The following ICE1 variants were observed in gnomAD, a reference collection of about 807,000 sequenced individuals.
ICE1 encodes the protein little elongation complex subunit 1.
In ICE1, 64 loss-of-function variants were observed where a neutral mutation model predicts 192.7. The observed-to-expected ratio is 0.33, with a 90% confidence interval of 0.27 to 0.41. The LOEUF (loss-of-function observed/expected upper bound fraction) is 0.41, where lower values mean the gene tolerates loss of function less well. Ranked by LOEUF, ICE1 falls within the 10% of genes least tolerant of loss-of-function variation. The pLI is 1.00. For missense variants in ICE1, 2,708 were observed against 2,696.0 expected (o/e 1.00, Z -0.10); for synonymous variants, 1,010 against 984.5 (o/e 1.03, Z -0.49).
chr5:5,468,371 AAG>A (rs1456762180), intron 14 of ICE1, among the ~76,000 whole-genome samples: 1 of 152,198 alleles, frequency 6.6e-6, no homozygotes, highest in East Asian at 1.9e-4. Flanking sequence ...TATACTTTAA[AAG>A]AGTTTATTTT....
Position 5,448,754 on chromosome 5 carries a change from A to AT in ICE1, c.604+866dup, listed in dbSNP as rs971696027. 2.4e-4 allele frequency among the ~76,000 whole-genome samples: 37 copies of AT among 151,188 alleles called. No homozygotes were observed. The Middle Eastern group carries it at 0.01, about 42-fold the overall frequency. On this transcript the variant is annotated intron_variant, in intron 10 of 18. Transcript: ENST00000296564. ...AGTCACCTTTACCTTTTTTTCTTTA[A>AT]TTTTTTTTTAAAATTCAGAGTACAA... is the stretch of plus-strand genomic sequence containing the variant.
At chr5:5,429,071 A>G (rs760954069) in intron 1 of ICE1, among the ~76,000 whole-genome samples, 1 of 152,214 alleles carries the variant, frequency 6.6e-6, no homozygotes, top group African/African-American at 2.4e-5. Flanking sequence ...ATCAGGCACA[A>G]GCTTCTGAGA....
intron 18 of ICE1, among the ~76,000 whole-genome samples, 161 bp from the exon 19 acceptor site, chr5:5,488,988 G>T (rs573492490): frequency 6.6e-6 from 1 of 152,174 alleles, no homozygotes; most frequent in African/African-American, 2.4e-5. Flanking sequence ...TTTGTGGACA[G>T]GTCTTAAATG....
chr5:5,481,674 C>T (rs1259376618), intron 17 of ICE1, among the ~76,000 whole-genome samples: 3 of 152,206 alleles, frequency 2.0e-5, no homozygotes, highest in Non-Finnish European at 2.9e-5. Context: ...ATAGTATACA[C>T]GGTCATTCAC....
intron 16 of ICE1, 145 bp from the exon 17 acceptor site, chr5:5,475,827 CA>C (rs1330204694): frequency 4.9e-6 from 3 of 609,854 alleles, no homozygotes; most frequent in Non-Finnish European, 8.6e-6. Flanking sequence ...AAGATGTGAG[CA>C]TCCAGTATCT....
chr5:5,483,189 T>A (rs1216901113), intron 17 of ICE1, among the ~76,000 whole-genome samples: 1 of 151,846 alleles, frequency 6.6e-6, no homozygotes, highest in East Asian at 1.9e-4. Context: ...AGAGACAGAG[T>A]TTCTCCATGT....
chr5:5,481,206 GTAAA>G (rs1192518460), intron 17 of ICE1, among the ~76,000 whole-genome samples: 2 of 152,244 alleles, frequency 1.3e-5, no homozygotes, highest in African/African-American at 4.8e-5. Flanking sequence ...GTTTTAAGGT[GTAAA>G]TAAATATGTT....
chr5:5,453,618 ATATACT>A (rs1248604990), intron 10 of ICE1, among the ~76,000 whole-genome samples: 3 of 152,206 alleles, frequency 2.0e-5, no homozygotes, highest in African/African-American at 7.2e-5. Context: ...AGTTGTATAC[ATATACT>A]TAAGCTACTT....
intron 11 of ICE1, 53 bp from the exon 12 acceptor site, chr5:5,457,279 A>C: frequency 7.3e-7 from 1 of 1,378,112 alleles, no homozygotes; most frequent in Non-Finnish European, 9.6e-7. Flanking sequence ...TTTTTTTTTT[A>C]AGTTTTCTTG....
chr5:5,459,484 G>A (rs1738688743), intron 12 of ICE1, among the ~76,000 whole-genome samples: 1 of 152,184 alleles, frequency 6.6e-6, no homozygotes, highest in African/African-American at 2.4e-5. Context: ...TGGAAGTCAT[G>A]CAGCTCTGAT....
chr5:5,466,742 A>G (rs979260634), intron 14 of ICE1, among the ~76,000 whole-genome samples: 5 of 152,180 alleles, frequency 3.3e-5, no homozygotes, highest in Non-Finnish European at 7.3e-5. Context: ...TATTTGTTCT[A>G]TGCTCTGTGC....
In ICE1 at chr5:5,460,571, A is replaced by C; in HGVS notation, c.1237A>C (p.Ser413Arg). The change falls in exon 13 of 19, where the codon AGT (serine) becomes CGT (arginine). Residue 413 changes from serine to arginine, a missense_variant. Around this residue, in one of 2 missense-constraint regions of ICE1, gnomAD observed 2,366 missense variants for 2,276.6 expected, o/e 1.04. Coordinates refer to ENST00000296564, the MANE Select transcript of ICE1 (RefSeq NM_015325.3). The part of the protein sequence containing the change: ...YFGSLRKNKG[S>R]GTWEEKPKSH... Reference sequence around the variant, plus strand: ...TGGCTCATTGAGAAAAAATAAAGGAAGTGGCACATGGGAGGAAAAGCCCAA... The same window carrying C: ...TGGCTCATTGAGAAAAAATAAAGGACGTGGCACATGGGAGGAAAAGCCCAA... 1 of 1,612,878 alleles carries C rather than the reference A, an allele frequency of 6.2e-7. No individual in the cohort carries two copies. The highest frequency in any genetic ancestry group is 1.7e-5 in the Admixed American group (1 of 59,836).
chr5:5,477,166 C>T (rs1041541729), intron 17 of ICE1, among the ~76,000 whole-genome samples: 9 of 152,010 alleles, frequency 5.9e-5, no homozygotes, highest in Non-Finnish European at 1.3e-4. Context: ...ATCTCTTAGA[C>T]AGAAAAAACC....
chr5:5,485,384 A>G (rs1349059109), intron 17 of ICE1, among the ~76,000 whole-genome samples: 24 of 152,252 alleles, frequency 1.6e-4, no homozygotes, highest in African/African-American at 2.4e-5. Context: ...CTGATTTTTC[A>G]TTATCTGTTC....
intron 12 of ICE1, among the ~76,000 whole-genome samples, 172 bp from the exon 13 acceptor site, chr5:5,460,263 AC>A: frequency 6.6e-6 from 1 of 152,276 alleles, no homozygotes; most frequent in East Asian, 1.9e-4. Flanking sequence ...ACAGTGTTGG[AC>A]CAAAGCTGGA....
chr5:5,440,924 A>G (rs1051468926), intron 4 of ICE1, among the ~76,000 whole-genome samples, 188 bp from the exon 5 acceptor site: 1 of 152,164 alleles, frequency 6.6e-6, no homozygotes, highest in East Asian at 1.9e-4. Flanking sequence ...AAAGAAAAAA[A>G]AAATACTATG....
chr5:5,450,158 G>C (rs1418301508), intron 10 of ICE1, among the ~76,000 whole-genome samples: 1 of 152,202 alleles, frequency 6.6e-6, no homozygotes, highest in Admixed American at 6.5e-5. Context: ...CTTTAATTAT[G>C]AATGAGAAGG....
intron 1 of ICE1, among the ~76,000 whole-genome samples, chr5:5,427,824 C>T (rs1168032750): frequency 6.6e-6 from 1 of 152,088 alleles, no homozygotes; most frequent in East Asian, 1.9e-4. Flanking sequence ...GCATGGAGCT[C>T]ATTCTTGTTG....
Position 5,462,890 on chromosome 5 carries a change from G to A in ICE1, c.3556G>A (p.Asp1186Asn), listed in dbSNP as rs1738842402. 3.7e-6 allele frequency: 6 copies of A among 1,608,940 alleles called. No homozygotes were observed. In the South Asian group the frequency reaches 5.5e-5, roughly 15 times the overall value. ...VMFLESCQLG[D>N]YSSGDSVSEC... is the part of the protein sequence containing the mutation. ...GTTTCTTGAGAGCTGTCAGTTAGGG[G>A]ATTATAGTTCAGGGGACTCTGTTTC... Residue 1186 changes from aspartate to asparagine, a missense_variant, in exon 13 of 19, where the codon GAT becomes AAT. Around this residue, in one of 2 missense-constraint regions of ICE1, gnomAD observed 2,366 missense variants for 2,276.6 expected, o/e 1.04. Coordinates refer to ENST00000296564, the MANE Select transcript of ICE1 (RefSeq NM_015325.3).
Sources: gnomAD v4.1 joint callset for allele counts (sites outside exome capture counted in the v4.1 genomes callset) on GRCh38, gnomAD v4.1.1 for gene constraint, gnomAD v4.1.1 regional missense constraint, MANE v1.5 for transcripts, NCBI Gene and HGNC (gene_info 2026-07-23, HGNC 2026-07-21) for gene names.